ZFP1: variants seen among roughly 807,000 people sequenced by gnomAD.
ZFP1 encodes ZFP1 zinc finger protein.
Under a neutral mutation model 38.5 loss-of-function variants are expected in ZFP1, and 32 were observed. That is an observed-to-expected ratio of 0.83 (90% CI 0.63 to 1.12). The LOEUF (loss-of-function observed/expected upper bound fraction) is 1.12, where lower values mean the gene tolerates loss of function less well. Among genes scored for constraint, ZFP1 ranks in the 50% most tolerant of loss-of-function variants. The pLI is 0.00. For missense variants in ZFP1, 616 were observed against 480.8 expected (o/e 1.28, Z -2.63); for synonymous variants, 245 against 168.8 (o/e 1.45, Z -3.50).
At chr16:75,134,308 G>T in the ZFP1 span, among the ~76,000 whole-genome samples, 1 of 152,102 alleles carries the variant, frequency 6.6e-6, no homozygotes, top group Non-Finnish European at 1.5e-5. Flanking sequence ...TTTTGATTGA[G>T]ATTGAATTCA....
At chr16:75,151,823 A>G (rs1019606204) in intron 1 of ZFP1, among the ~76,000 whole-genome samples, 1 of 152,128 alleles carries the variant, frequency 6.6e-6, no homozygotes, top group Non-Finnish European at 1.5e-5. Flanking sequence ...CTGATATCAT[A>G]TTTCTTCTAT....
intron 2 of ZFP1, among the ~76,000 whole-genome samples, chr16:75,154,190 C>T (rs2037353882): frequency 6.6e-6 from 1 of 150,988 alleles, no homozygotes; most frequent in African/African-American, 2.4e-5. Flanking sequence ...CGCCACTGAA[C>T]TCCAGCCTGG....
intron 2 of ZFP1, among the ~76,000 whole-genome samples, chr16:75,162,580 T>A (rs1481037922): frequency 6.6e-6 from 1 of 152,214 alleles, no homozygotes; most frequent in East Asian, 1.9e-4. Context: ...TACATAGATA[T>A]TTTTATGATG....
At position 75,166,802 on chromosome 16, in the gene ZFP1, C is replaced by G. The variant is rs762134697; in HGVS notation, c.48C>G (p.Asp16Glu). ...GSVSFTDVTVDFTQEEWEQLD... is the reference protein window; with the variant it reads ...GSVSFTDVTVEFTQEEWEQLD... ...TTTCATTCACGGATGTGACTGTGGA[C>G]TTTACCCAGGAGGAATGGGAACAAC... Residue 16 changes from aspartate to glutamate, a missense_variant, in exon 3 of 4, where the codon GAC becomes GAG. Coordinates refer to ENST00000570010, the MANE Select transcript of ZFP1 (RefSeq NM_153688.4). 8.1e-6 allele frequency: 13 copies of G among 1,614,142 alleles called. No individual in the cohort carries two copies. The highest frequency in any genetic ancestry group is 1.1e-5 in the Non-Finnish European group (13 of 1,180,026).
the ZFP1 span, among the ~76,000 whole-genome samples, chr16:75,122,175 G>A: frequency 1.4e-4 from 21 of 152,374 alleles, no homozygotes; most frequent in African/African-American, 5.0e-4. Flanking sequence ...CACTTGGACA[G>A]GGGAGGGGCA....
the ZFP1 span, among the ~76,000 whole-genome samples, chr16:75,121,986 G>A: frequency 0.92 from 139,778 of 152,286 alleles, 64,215 homozygotes; most frequent in African/African-American, 0.94. Flanking sequence ...TTACAAAACT[G>A]TATACCCAGC....
chr16:75,161,308 ATCTCCCC>A (rs758665303), intron 2 of ZFP1, among the ~76,000 whole-genome samples: 17 of 151,670 alleles, frequency 1.1e-4, no homozygotes, highest in Non-Finnish European at 1.6e-4. Flanking sequence ...GCTACAAGTG[ATCTCCCC>A]GCCTCGGCCT....
the ZFP1 span, among the ~76,000 whole-genome samples, chr16:75,123,429 ATG>A: frequency 3.2e-4 from 10 of 31,676 alleles, no homozygotes; most frequent in East Asian, 1.8e-3. Flanking sequence ...ATATATAAGA[ATG>A]TGTGTGTGTG....
the ZFP1 span, among the ~76,000 whole-genome samples, chr16:75,128,230 A>G: frequency 6.6e-6 from 1 of 152,208 alleles, no homozygotes; most frequent in African/African-American, 2.4e-5. Context: ...CCCCACGTTT[A>G]TCTTGGAACC....
intron 2 of ZFP1, chr16:75,157,252 T>TC (rs2037516450): frequency 6.8e-6 from 1 of 147,466 alleles, no homozygotes; most frequent in Non-Finnish European, 1.5e-5. Context: ...GTCTTTTTTT[T>TC]TTTTTTTTTT....
chr16:75,167,217 A>T (rs1368883796), intron 3 of ZFP1, among the ~76,000 whole-genome samples: 1 of 152,198 alleles, frequency 6.6e-6, no homozygotes, highest in East Asian at 1.9e-4. Context: ...GACGGGAGAG[A>T]GGGAGAAGCA....
At chr16:75,134,961 G>A in the ZFP1 span, among the ~76,000 whole-genome samples, 1 of 151,936 alleles carries the variant, frequency 6.6e-6, no homozygotes, top group Admixed American at 6.6e-5. Flanking sequence ...GGCTGAGGCA[G>A]GAGAGTCGCT....
chr16:75,123,398 G>A, the ZFP1 span, among the ~76,000 whole-genome samples: 126,591 of 137,872 alleles, frequency 0.92, 58,181 homozygotes, highest in African/African-American at 0.95. Flanking sequence ...ATATATTTGT[G>A]GAATGTTTTC....
the ZFP1 span, among the ~76,000 whole-genome samples, chr16:75,136,079 G>A: frequency 1.3e-5 from 2 of 152,204 alleles, no homozygotes; most frequent in Non-Finnish European, 2.9e-5. Context: ...GTCTCCCAAA[G>A]TGCTGGGATT....
Position 75,160,013 on chromosome 16 carries a change from C to G in ZFP1, c.16-6757C>G, listed in dbSNP as rs548842530. ...CCAGCTCCTCAGCACTATGCAACCT[C>G]TGAAATCTCTAGTCAGCTCTCAGTC... On this transcript the variant is annotated intron_variant, in intron 2 of 3. Coordinates refer to ENST00000570010, the MANE Select transcript of ZFP1 (RefSeq NM_153688.4). Among the ~76,000 whole-genome samples, 8 of 152,272 alleles carry G rather than the reference C, an allele frequency of 5.3e-5. 1 individual carries two copies. The highest frequency in any genetic ancestry group is 1.9e-4 in the East Asian group (1 of 5,176).
At chr16:75,126,901 A>G in the ZFP1 span, among the ~76,000 whole-genome samples, 1 of 152,238 alleles carries the variant, frequency 6.6e-6, no homozygotes, top group South Asian at 2.1e-4. Context: ...TCTAAAAATT[A>G]TACAGGAAGC....
the ZFP1 span, among the ~76,000 whole-genome samples, chr16:75,124,306 C>A: frequency 6.7e-6 from 1 of 150,006 alleles, no homozygotes; most frequent in African/African-American, 2.4e-5. Context: ...TTACAGGCAC[C>A]CACCACCACT....
At position 75,151,179 on chromosome 16, in the gene ZFP1, C is replaced by CT. The variant is rs113479963; in HGVS notation, c.-43-1718dup. On this transcript the variant is annotated intron_variant, in intron 1 of 3. Coordinates refer to ENST00000570010, the MANE Select transcript of ZFP1 (RefSeq NM_153688.4). Reference sequence around the variant, plus strand: ...TGACCCTCTTTTTCCATTCTTTTATCTTTTTTTTTTTTAATTTCCTGACTC... The same window carrying CT: ...TGACCCTCTTTTTCCATTCTTTTATCTTTTTTTTTTTTTAATTTCCTGACTC... Among the ~76,000 whole-genome samples, 600 of 145,872 alleles carry CT rather than the reference C, an allele frequency of 4.1e-3. 5 individuals are homozygous for CT. The highest frequency in any genetic ancestry group is 0.012 in the African/African-American group (477 of 40,086).
chr16:75,120,994 T>A, the ZFP1 span, among the ~76,000 whole-genome samples: 1 of 152,162 alleles, frequency 6.6e-6, no homozygotes. Context: ...AGAAGTTTTT[T>A]AAAAAGTGCA....
Sources: gnomAD v4.1 joint callset for allele counts (sites outside exome capture counted in the v4.1 genomes callset) on GRCh38, gnomAD v4.1.1 for gene constraint, MANE v1.5 for transcripts, NCBI Gene and HGNC (gene_info 2026-07-23, HGNC 2026-07-21) for gene names.